The following CALN1 variants were observed in gnomAD, a reference collection of about 807,000 sequenced individuals.
The protein encoded by CALN1 is calcium-binding protein 8.
CALN1 carries 17 observed loss-of-function variants against 30.6 expected under a neutral mutation model. That is an observed-to-expected ratio of 0.56 (90% CI 0.38 to 0.83). CALN1 has a LOEUF of 0.83. Among genes scored for constraint, CALN1 ranks in the 40% least tolerant of loss-of-function variants. The pLI is 0.00. For synonymous variants in CALN1, 156 were observed against 131.4 expected (o/e 1.19, Z -1.28); for missense variants, 291 against 354.9 (o/e 0.82, Z 1.45).
chr7:72,462,701 G>A, the CALN1 span, among the ~76,000 whole-genome samples: 1 of 152,248 alleles, frequency 6.6e-6, no homozygotes, highest in East Asian at 1.9e-4. Context: ...AGATTCAGGG[G>A]CAGATGTGAG....
intron 4 of CALN1, among the ~76,000 whole-genome samples, chr7:72,067,542 T>C (rs1351890547): frequency 6.6e-6 from 1 of 152,060 alleles, no homozygotes; most frequent in Non-Finnish European, 1.5e-5. Context: ...GAGCAACCAC[T>C]CTCAGCCACT....
At chr7:72,006,469 C>A (rs1446069084) in intron 5 of CALN1, among the ~76,000 whole-genome samples, 1 of 152,024 alleles carries the variant, frequency 6.6e-6, no homozygotes, top group Non-Finnish European at 1.5e-5. Flanking sequence ...AACAGGATTG[C>A]CAATGGATTA....
chr7:71,934,404 G>T (rs919051012), intron 5 of CALN1, among the ~76,000 whole-genome samples: 1 of 152,170 alleles, frequency 6.6e-6, no homozygotes. Flanking sequence ...ATAAAGAAAA[G>T]AGGTTTACTT....
chr7:72,054,625 C>G (rs945905376), intron 4 of CALN1, among the ~76,000 whole-genome samples: 1 of 150,286 alleles, frequency 6.7e-6, no homozygotes, highest in Admixed American at 6.7e-5. Context: ...ATGAATGGAG[C>G]TGGAAGCTGT....
At chr7:71,871,771 CTTATG>C (rs1235931935) in intron 5 of CALN1, among the ~76,000 whole-genome samples, 1 of 152,118 alleles carries the variant, frequency 6.6e-6, no homozygotes, top group Non-Finnish European at 1.5e-5. Flanking sequence ...ACTCTCCACT[CTTATG>C]TTTTTTTTCA....
At chr7:72,326,505 C>T (rs1470747279) in intron 2 of CALN1, among the ~76,000 whole-genome samples, 1 of 152,218 alleles carries the variant, frequency 6.6e-6, no homozygotes, top group African/African-American at 2.4e-5. Flanking sequence ...TCATCAGCCA[C>T]AGATCAGATT....
At chr7:71,876,811 G>A (rs1792271383) in intron 5 of CALN1, among the ~76,000 whole-genome samples, 1 of 152,258 alleles carries the variant, frequency 6.6e-6, no homozygotes, top group South Asian at 2.1e-4. Flanking sequence ...AGACTTCTCT[G>A]AGACAGAAAC....
intron 3 of CALN1, among the ~76,000 whole-genome samples, chr7:72,108,126 A>G (rs1391015332): frequency 6.6e-6 from 1 of 152,128 alleles, no homozygotes; most frequent in Non-Finnish European, 1.5e-5. Context: ...GGGAAAATCC[A>G]TTTGTCTCTT....
chr7:72,159,730 A>G (rs1787965193), intron 3 of CALN1, among the ~76,000 whole-genome samples: 2 of 151,238 alleles, frequency 1.3e-5, no homozygotes, highest in Admixed American at 1.3e-4. Flanking sequence ...CCTGGGAGGC[A>G]AAGGTTGCAG....
At chr7:72,129,868 T>C (rs576776953) in intron 3 of CALN1, among the ~76,000 whole-genome samples, 4 of 152,286 alleles carry the variant, frequency 2.6e-5, no homozygotes, top group African/African-American at 9.6e-5. Flanking sequence ...TCATGATTTG[T>C]CTCCTCCAAA....
chr7:72,453,521 T>A, the CALN1 span, among the ~76,000 whole-genome samples: 3 of 152,118 alleles, frequency 2.0e-5, no homozygotes, highest in Non-Finnish European at 4.4e-5. Flanking sequence ...ATGCTTTAGG[T>A]GCCTCTTCCC....
intron 5 of CALN1, among the ~76,000 whole-genome samples, chr7:71,987,379 C>CAGGG (rs2129527579): frequency 6.6e-6 from 1 of 152,284 alleles, no homozygotes; most frequent in South Asian, 2.1e-4. Flanking sequence ...GACACAGGAG[C>CAGGG]AGGGCCCCCA....
chr7:71,956,901 T>A (rs1796988302), intron 5 of CALN1, among the ~76,000 whole-genome samples: 1 of 152,112 alleles, frequency 6.6e-6, no homozygotes, highest in Non-Finnish European at 1.5e-5. Context: ...TTCACCATGT[T>A]GGCCAGTCTG....
chr7:72,487,734 A>AAAGAAAGAAAGGAAGGAAGG, the CALN1 span, among the ~76,000 whole-genome samples: 96 of 56,574 alleles, frequency 1.7e-3, 2 homozygotes, highest in Non-Finnish European at 2.5e-3. Flanking sequence ...AGAAAGAAAG[A>AAAGAAAGAAAGGAAGGAAGG]AAGGAAGGAA....
At chr7:72,025,235 G>C (rs1800980653) in intron 4 of CALN1, among the ~76,000 whole-genome samples, 1 of 152,046 alleles carries the variant, frequency 6.6e-6, no homozygotes, top group Non-Finnish European at 1.5e-5. Flanking sequence ...GCTTGAATCT[G>C]GGAGGCGGAG....
rs555032135 is a variant in CALN1 at position 71,842,877 on chromosome 7, A to G, written c.502-32385T>C. 1.1e-4 allele frequency among the ~76,000 whole-genome samples: 17 copies of G among 152,312 alleles called. 1 individual carries two copies. Among genetic ancestry groups the G allele is most frequent in the African/African-American group, 4.1e-4 (17 of 41,572 alleles). On this transcript the variant is annotated intron_variant, in intron 5 of 6. Coordinates refer to ENST00000395275, the MANE Select transcript of CALN1 (RefSeq NM_031468.4). ...ATTTAGACTGTAACATAACTACATT[A>G]GACTGTCATATTGCATTTTATCCTA... is the stretch of plus-strand genomic sequence containing the variant.
chr7:72,138,036 G>A (rs1809629728), intron 3 of CALN1, among the ~76,000 whole-genome samples: 1 of 152,128 alleles, frequency 6.6e-6, no homozygotes, highest in Non-Finnish European at 1.5e-5. Flanking sequence ...AATGAAAATA[G>A]ACTATGGGAT....
intron 3 of CALN1, among the ~76,000 whole-genome samples, chr7:72,148,854 A>G (rs1786984826): frequency 6.6e-6 from 1 of 151,774 alleles, no homozygotes; most frequent in Admixed American, 6.6e-5. Context: ...CAGTGAGCCA[A>G]GATCATACCA....
intron 5 of CALN1, among the ~76,000 whole-genome samples, chr7:71,880,589 A>C (rs149230560): frequency 6.6e-6 from 1 of 152,204 alleles, no homozygotes; most frequent in East Asian, 1.9e-4. Flanking sequence ...TCTCCCCCGA[A>C]TTCTAGACTT....
Sources: gnomAD v4.1 joint callset for allele counts (sites outside exome capture counted in the v4.1 genomes callset) on GRCh38, gnomAD v4.1.1 for gene constraint, MANE v1.5 for transcripts, NCBI Gene and HGNC (gene_info 2026-07-23, HGNC 2026-07-21) for gene names.